PLD5: variants seen among roughly 807,000 people sequenced by gnomAD.
The protein encoded by PLD5 is phospholipase D family member 5, also known as inactive phospholipase D5.
In PLD5, 36 loss-of-function variants were observed where a neutral mutation model predicts 61.1. The observed-to-expected ratio is 0.59, with a 90% confidence interval of 0.45 to 0.78. The LOEUF is 0.78. PLD5 is among the 30% of genes least tolerant of loss of function. The probability of loss-of-function intolerance (pLI) is 0.00; values close to 1 mark genes in which losing one functional copy is unlikely to be tolerated. For synonymous variants in PLD5, 243 were observed against 242.8 expected (o/e 1.00, Z -0.01); for missense variants, 515 against 644.4 (o/e 0.80, Z 2.17).
At chr1:242,499,110 T>C (rs1668471185) in intron 1 of PLD5, among the ~76,000 whole-genome samples, 1 of 152,212 alleles carries the variant, frequency 6.6e-6, no homozygotes, top group Admixed American at 6.5e-5. Flanking sequence ...TCACCAGTAT[T>C]TGACAGTATT....
chr1:242,525,402 G>A (rs1194508044), upstream of PLD5, among the ~76,000 whole-genome samples: 2 of 152,212 alleles, frequency 1.3e-5, no homozygotes, highest in Non-Finnish European at 2.9e-5. Context: ...TTAGGTGGAC[G>A]TGGCCCAACT....
chr1:242,224,026 C>T (rs1375491284), intron 4 of PLD5, among the ~76,000 whole-genome samples: 2 of 152,100 alleles, frequency 1.3e-5, no homozygotes, highest in East Asian at 3.9e-4. Flanking sequence ...TATTAGGAAG[C>T]GATGGTTAAA....
intron 1 of PLD5, among the ~76,000 whole-genome samples, chr1:242,373,967 T>TAA (rs1468708164): frequency 6.2e-4 from 20 of 32,250 alleles, no homozygotes; most frequent in Non-Finnish European, 1.4e-3. Context: ...TAAAGTATAA[T>TAA]AAAAACAAAA....
intron 1 of PLD5, among the ~76,000 whole-genome samples, chr1:242,520,694 G>T (rs1285556499): frequency 1.3e-5 from 2 of 152,074 alleles, no homozygotes; most frequent in African/African-American, 4.8e-5. Context: ...CTTTAAAAAA[G>T]AAAAATGTTC....
intron 5 of PLD5, among the ~76,000 whole-genome samples, chr1:242,216,255 C>A (rs1670189925): frequency 6.6e-6 from 1 of 151,816 alleles, no homozygotes; most frequent in African/African-American, 2.4e-5. Flanking sequence ...TCAACAGAAC[C>A]CAATGCAAAA....
At chr1:242,406,390 C>G (rs868512001) in intron 1 of PLD5, among the ~76,000 whole-genome samples, 1 of 152,210 alleles carries the variant, frequency 6.6e-6, no homozygotes, top group Admixed American at 6.5e-5. Flanking sequence ...GTGAGGCACT[C>G]AGAAATGTCT....
At chr1:242,419,572 ATTTTTTTTTTT>A (rs767869905) in intron 1 of PLD5, among the ~76,000 whole-genome samples, 1 of 97,090 alleles carries the variant, frequency 1.0e-5, no homozygotes, top group Non-Finnish European at 1.8e-5. Context: ...AATTTTTTGC[ATTTTTTTTTTT>A]TTTTTTTTTT....
chr1:242,281,447 A>C (rs1264074705), intron 3 of PLD5, among the ~76,000 whole-genome samples: 1 of 152,182 alleles, frequency 6.6e-6, no homozygotes, highest in Non-Finnish European at 1.5e-5. Context: ...AACAAAAATT[A>C]GGAGGGACTG....
chr1:242,491,802 G>C (rs1668161698), intron 1 of PLD5, among the ~76,000 whole-genome samples: 1 of 152,076 alleles, frequency 6.6e-6, no homozygotes, highest in East Asian at 1.9e-4. Context: ...TACTTCCCTT[G>C]ATATTAATAG....
chr1:242,416,818 T>G (rs1362402670), intron 1 of PLD5, among the ~76,000 whole-genome samples: 1 of 152,244 alleles, frequency 6.6e-6, no homozygotes, highest in African/African-American at 2.4e-5. Context: ...AACAGTTTGC[T>G]CTTGATGCCA....
At chr1:242,406,768 T>C (rs1392783184) in intron 1 of PLD5, among the ~76,000 whole-genome samples, 2 of 152,208 alleles carry the variant, frequency 1.3e-5, no homozygotes, top group Admixed American at 1.3e-4. Context: ...TTTATAACAT[T>C]TAACCATGAA....
chr1:242,303,336 T>C (rs1394095164), intron 2 of PLD5, among the ~76,000 whole-genome samples: 2 of 152,210 alleles, frequency 1.3e-5, no homozygotes, highest in Non-Finnish European at 2.9e-5. Flanking sequence ...CAATTGAGAC[T>C]GCCCACAAGA....
intron 5 of PLD5, among the ~76,000 whole-genome samples, chr1:242,155,823 T>C (rs1231242558): frequency 6.6e-6 from 1 of 152,170 alleles, no homozygotes; most frequent in Admixed American, 6.5e-5. Flanking sequence ...GCATGTATAT[T>C]CTGTTGATTT....
intron 2 of PLD5, among the ~76,000 whole-genome samples, chr1:242,344,230 G>A (rs1217900324): frequency 6.6e-6 from 1 of 152,144 alleles, no homozygotes; most frequent in Non-Finnish European, 1.5e-5. Context: ...AATTACATAG[G>A]ATGTCACTTC....
intron 6 of PLD5, among the ~76,000 whole-genome samples, chr1:242,123,915 G>A (rs940064679): frequency 1.3e-5 from 2 of 152,154 alleles, no homozygotes; most frequent in South Asian, 2.1e-4. Flanking sequence ...TCAGAGGCCC[G>A]AAGCTGTGCA....
At chr1:242,209,829 C>G (rs577627785) in intron 5 of PLD5, among the ~76,000 whole-genome samples, 1 of 152,312 alleles carries the variant, frequency 6.6e-6, no homozygotes, top group African/African-American at 2.4e-5. Flanking sequence ...GAGTCTCACT[C>G]TGTCGCCCAG....
chr1:242,477,363 T>C (rs1022834536), intron 1 of PLD5, among the ~76,000 whole-genome samples: 1 of 152,340 alleles, frequency 6.6e-6, no homozygotes, highest in Non-Finnish European at 1.5e-5. Context: ...ACTGATCATA[T>C]TCATGTCACA....
chr1:242,403,950 T>A (rs1169228297), intron 1 of PLD5, among the ~76,000 whole-genome samples: 1 of 152,132 alleles, frequency 6.6e-6, no homozygotes, highest in East Asian at 1.9e-4. Flanking sequence ...ATTCCAGAGG[T>A]GGAATCTAGC....
chr1:242,450,034 G>C (rs1464317944), intron 1 of PLD5, among the ~76,000 whole-genome samples: 38 of 152,228 alleles, frequency 2.5e-4, no homozygotes, highest in Admixed American at 2.5e-3. Flanking sequence ...TATAATCAAA[G>C]TTCTTCAAAT....
Sources: gnomAD v4.1 joint callset for allele counts (sites outside exome capture counted in the v4.1 genomes callset) on GRCh38, gnomAD v4.1.1 for gene constraint, MANE v1.5 for transcripts, NCBI Gene and HGNC (gene_info 2026-07-23, HGNC 2026-07-21) for gene names.